ABCA12: variants seen among roughly 807,000 people sequenced by gnomAD.
ABCA12 encodes the protein ATP binding cassette subfamily A member 12, also known as glucosylceramide transporter ABCA12.
A neutral mutation model predicts 293.5 loss-of-function variants in ABCA12; 156 were observed. The observed-to-expected ratio is 0.53, with a 90% CI of 0.47 to 0.61. The LOEUF (loss-of-function observed/expected upper bound fraction) is 0.61. Among genes scored for constraint, ABCA12 ranks in the 20% least tolerant of loss-of-function variants. The pLI, the probability that ABCA12 is intolerant of heterozygous loss-of-function variation, is 0.00. For missense variants in ABCA12, 2,797 were observed against 3,090.2 expected, an observed-to-expected ratio of 0.91 and a Z score of 2.25; for synonymous variants, 1,063 against 1,108.0, an observed-to-expected ratio of 0.96 and a Z score of 0.81.
intron 44 of ABCA12, among the ~76,000 whole-genome samples, chr2:214,953,589 G>A (rs575884253): frequency 6.6e-6 from 1 of 152,198 alleles, no homozygotes; most frequent in East Asian, 1.9e-4. Flanking sequence ...CTTCACCACT[G>A]TACCTTAATC....
At chr2:214,998,262 T>A (rs1700076191) in intron 22 of ABCA12, among the ~76,000 whole-genome samples, 1 of 152,194 alleles carries the variant, frequency 6.6e-6, no homozygotes, top group Admixed American at 6.5e-5. Context: ...AGATCATAGT[T>A]ATTATGAAAC....
At chr2:215,038,053 T>C (rs1164210000) in intron 7 of ABCA12, among the ~76,000 whole-genome samples, 1 of 152,156 alleles carries the variant, frequency 6.6e-6, no homozygotes, top group African/African-American at 2.4e-5. Flanking sequence ...TTTGGAATTT[T>C]TGAAATTTAG....
At chr2:215,109,485 C>T (rs1702527445) in intron 2 of ABCA12, among the ~76,000 whole-genome samples, 1 of 152,170 alleles carries the variant, frequency 6.6e-6, no homozygotes, top group Non-Finnish European at 1.5e-5. Context: ...AACATACTTT[C>T]CGTGTTTGAA....
intron 22 of ABCA12, 108 bp downstream of exon 22, chr2:215,000,597 G>A: frequency 2.3e-6 from 3 of 1,325,476 alleles, no homozygotes; most frequent in South Asian, 1.2e-5. Context: ...TATTACAAAA[G>A]TTTGGTGAAT....
chr2:215,096,034 A>C (rs1702243530), intron 2 of ABCA12, among the ~76,000 whole-genome samples: 1 of 152,198 alleles, frequency 6.6e-6, no homozygotes, highest in Non-Finnish European at 1.5e-5. Flanking sequence ...GCATAACAAT[A>C]TGTATAACAA....
chr2:215,052,555 A>T lies in ABCA12; in HGVS notation c.439T>A (p.Leu147Met). Residue 147 changes from leucine to methionine, a missense_variant, in exon 5 of 53, where the codon TTG becomes ATG. Leu to Met is a conservative substitution (Grantham distance 15). Transcript: ENST00000272895. ...AAAGTATATGTTCCGGGGATTTCCAAATCAGAACTTGGACTGGGAAATACT... is the reference window on the plus strand; with the variant it reads ...AAAGTATATGTTCCGGGGATTTCCATATCAGAACTTGGACTGGGAAATACT... ...ATVFPSPSSDLEIPGTYTFNG... is the reference protein window; with the variant it reads ...ATVFPSPSSDMEIPGTYTFNG... 1 of 1,612,626 alleles carries T rather than the reference A, an allele frequency of 6.2e-7. No homozygotes were observed.
intron 2 of ABCA12, among the ~76,000 whole-genome samples, chr2:215,104,788 T>G (rs766943082): frequency 6.6e-5 from 10 of 152,158 alleles, no homozygotes; most frequent in Non-Finnish European, 8.8e-5. Context: ...TCCTACATAT[T>G]TGGAACTCTT....
intron 17 of ABCA12, 57 bp from the exon 18 acceptor site, chr2:215,010,527 A>T (rs1409607): frequency 1 from 1,582,568 of 1,582,720 alleles, 791,209 homozygotes; most frequent in Non-Finnish European, 1. Flanking sequence ...ATCCATTTCC[A>T]CATGGCAAAT....
In ABCA12 at chr2:215,010,428, G is replaced by A; in HGVS notation, c.2375C>T (p.Pro792Leu). Residue 792 changes from proline (P) to leucine (L), a missense_variant, in exon 18 of 53, where the codon CCC (proline) becomes CTC (leucine). By Grantham distance (98) the Pro-to-Leu change is moderately conservative. Around this residue, in one of 3 missense-constraint regions of ABCA12, gnomAD observed 2,130 missense variants for 2,427.0 expected, o/e 0.88. Coordinates refer to ENST00000272895, the MANE Select transcript of ABCA12 (RefSeq NM_173076.3). Reference protein sequence around the residue: ...FSLYKDIINMPAGPVIWAFLK... With the variant: ...FSLYKDIINMLAGPVIWAFLK... ...GAAAGCCCAAATCACAGGTCCAGCG[G>A]GCATGTTAATGATGTCTTTATAAAG... is the stretch of plus-strand genomic sequence containing the variant. The A allele has an allele frequency of 1.9e-6, 3 of 1,613,728 alleles. No homozygotes were observed. Among genetic ancestry groups the A allele is most frequent in the Non-Finnish European group, 1.7e-6 (2 of 1,179,754 alleles).
intron 2 of ABCA12, among the ~76,000 whole-genome samples, chr2:215,109,183 A>G (rs1203017037): frequency 6.6e-6 from 1 of 152,144 alleles, no homozygotes; most frequent in African/African-American, 2.4e-5. Flanking sequence ...TTGATTATAG[A>G]ATGTATTGAA....
At chr2:215,027,591 T>A (rs1700777576) in intron 9 of ABCA12, among the ~76,000 whole-genome samples, 1 of 152,168 alleles carries the variant, frequency 6.6e-6, no homozygotes, top group African/African-American at 2.4e-5. Flanking sequence ...GACTCCCAGT[T>A]AAAGTTGAAT....
rs1230587790 is a variant in ABCA12 at position 215,019,694 on chromosome 2, A to C, written c.1390T>G (p.Cys464Gly). 8 of 1,614,014 alleles carry C rather than the reference A, an allele frequency of 5.0e-6. No homozygotes were observed. In the African/African-American group the frequency reaches 6.7e-5, roughly 13 times the overall value. Residue 464 changes from cysteine (C) to glycine (G), a missense_variant, in exon 12 of 53, where the codon TGT (cysteine) becomes GGT (glycine). By Grantham distance (159) the Cys-to-Gly change is radical (BLOSUM62 -3). Around this residue, in one of 3 missense-constraint regions of ABCA12, gnomAD observed 656 missense variants for 638.2 expected, o/e 1.03. Transcript: ENST00000272895. Reference sequence around the variant, plus strand: ...TGCAGATCAAACTCACTTTCTTCACACAGGCTCCCAAAGCTCATATCAGAG... The same window carrying C: ...TGCAGATCAAACTCACTTTCTTCACCCAGGCTCCCAAAGCTCATATCAGAG... ...QLSDMSFGSL[C>G]EESEFDLQLL... is the part of the protein sequence containing the mutation.
At chr2:215,085,242 T>A (rs1387684696) in intron 2 of ABCA12, among the ~76,000 whole-genome samples, 2 of 152,226 alleles carry the variant, frequency 1.3e-5, no homozygotes, top group Non-Finnish European at 2.9e-5. Flanking sequence ...ATTCTTTTGA[T>A]GCACAAGACT....
Position 215,138,574 on chromosome 2 carries a change from G to T in ABCA12, c.-366C>A. 6.5e-6 allele frequency: 2 copies of T among 306,274 alleles called. No homozygotes were observed. The highest frequency in any genetic ancestry group is 1.2e-5 in the Non-Finnish European group (2 of 160,634). The allele number at this position is 306,274 out of a possible 1,614,324, so 19.0% of individuals were successfully genotyped here. A position where few individuals can be genotyped will look rare whatever the true frequency, so the allele number is the denominator to read the frequency against. ...ATGCCTCACTGAAAAAAAAAAAAAA[G>T]CAGCAGCTGAACCCACACCTCCTAC... On this transcript the variant is annotated 5_prime_UTR_variant, in exon 1 of 53. An upstream open reading frame in the 5' UTR gains an earlier in-frame stop. Transcript: ENST00000272895.
chr2:214,970,504 C>T (rs550870384), intron 36 of ABCA12, 104 bp from the exon 37 acceptor site: 997 of 1,312,560 alleles, frequency 7.6e-4, no homozygotes, highest in Non-Finnish European at 9.3e-4. Context: ...ATTACTGCAA[C>T]TGGTAGAGTG....
chr2:215,028,017 G>T (rs566740693), intron 9 of ABCA12, among the ~76,000 whole-genome samples: 4 of 152,238 alleles, frequency 2.6e-5, no homozygotes, highest in South Asian at 4.2e-4. Flanking sequence ...CAACTGTGAG[G>T]CTACATCTCT....
chr2:215,031,617 G>A (rs1471928482), intron 9 of ABCA12, among the ~76,000 whole-genome samples: 1 of 152,170 alleles, frequency 6.6e-6, no homozygotes, highest in Non-Finnish European at 1.5e-5. Context: ...ATTTTCTTGT[G>A]CAATGCTTAA....
At position 214,991,034 on chromosome 2, in the gene ABCA12, G is replaced by C; in HGVS notation, c.3295-3C>G. 6.2e-7 allele frequency: 1 copy of C among 1,613,250 alleles called. No homozygotes were observed. Among genetic ancestry groups the C allele is most frequent in the Non-Finnish European group, 8.5e-7 (1 of 1,179,534 alleles). The stretch of plus-strand genomic sequence containing the variant: ...TTCACACCCATCATCTTCATGTACT[G>C]TAAGAAGAAAAAATGTGAGGCGCTT... On this transcript the variant is annotated splice_region_variant and splice_polypyrimidine_tract_variant and intron_variant, in intron 23 of 52. Transcript: ENST00000272895.
At chr2:215,129,685 G>A (rs1468160522) in intron 1 of ABCA12, among the ~76,000 whole-genome samples, 1 of 152,124 alleles carries the variant, frequency 6.6e-6, no homozygotes, top group Admixed American at 6.6e-5. Flanking sequence ...TAGATTGTCT[G>A]CTTATCCTGT....
Sources: gnomAD v4.1 joint callset for allele counts (sites outside exome capture counted in the v4.1 genomes callset) on GRCh38, gnomAD v4.1.1 for gene constraint, gnomAD v4.1.1 regional missense constraint, MANE v1.5 for transcripts, NCBI Gene and HGNC (gene_info 2026-07-23, HGNC 2026-07-21) for gene names.